Variants in SHC3 observed in about 807,000 individuals in gnomAD.
SHC3 encodes SHC adaptor protein 3.
Under a neutral mutation model 60.4 loss-of-function variants are expected in SHC3, and 15 were observed. The observed-to-expected ratio is 0.25, with a 90% CI of 0.17 to 0.38. The LOEUF (loss-of-function observed/expected upper bound fraction) is 0.38. Ranked by LOEUF, SHC3 falls within the 10% of genes least tolerant of loss-of-function variation. The pLI is 1.00. For missense variants in SHC3, 677 were observed against 786.1 expected, an observed-to-expected ratio of 0.86 and a Z score of 1.66; for synonymous variants, 294 against 325.9, an observed-to-expected ratio of 0.90 and a Z score of 1.05.
At chr9:89,124,596 C>T (rs1218475047) in intron 1 of SHC3, among the ~76,000 whole-genome samples, 2 of 152,042 alleles carry the variant, frequency 1.3e-5, no homozygotes, top group Non-Finnish European at 2.9e-5. Context: ...AACAGAAAAC[C>T]AAACACTGCA....
intron 1 of SHC3, among the ~76,000 whole-genome samples, chr9:89,132,268 A>G (rs1388114932): frequency 6.6e-6 from 1 of 152,196 alleles, no homozygotes; most frequent in African/African-American, 2.4e-5. Context: ...GAGGACACAA[A>G]CAAATGGAAG....
intron 2 of SHC3, among the ~76,000 whole-genome samples, chr9:89,096,728 C>G (rs11137510): frequency 2.0e-5 from 3 of 152,148 alleles, no homozygotes. Context: ...TTGGCAAAGT[C>G]TGAAGGTTGT....
intron 6 of SHC3, among the ~76,000 whole-genome samples, chr9:89,052,900 A>G (rs1824884060): frequency 6.6e-6 from 1 of 152,206 alleles, no homozygotes; most frequent in Non-Finnish European, 1.5e-5. Flanking sequence ...AGCAGTCCTT[A>G]TGCTTGAAGC....
Position 89,047,071 on chromosome 9 carries a change from C to T in SHC3, c.963-77G>A, listed in dbSNP as rs1377742226. On this transcript the variant is annotated intron_variant, in intron 7 of 11. Transcript: ENST00000375835. ...AAAATCAACAAATCTAATGTTAGCG[C>T]CTGTTATTAAGAAAAGAGAGTTTAG... 4 of 1,423,608 alleles carry T rather than the reference C, an allele frequency of 2.8e-6. No individual in the cohort carries two copies. In the African/African-American group the frequency reaches 4.3e-5, roughly 15 times the overall value. 88.2% of individuals were successfully genotyped at this position (1,423,608 alleles called of 1,614,324 possible). A position where few individuals can be genotyped will look rare whatever the true frequency, so the allele number is the denominator to read the frequency against.
chr9:89,024,593 G>A (rs938842480), intron 11 of SHC3, among the ~76,000 whole-genome samples: 14 of 152,232 alleles, frequency 9.2e-5, no homozygotes, highest in Non-Finnish European at 2.9e-5. Context: ...TGGCTATCGC[G>A]AGTCCTGCTT....
At chr9:89,101,096 G>A (rs1825776394) in intron 2 of SHC3, among the ~76,000 whole-genome samples, 1 of 152,104 alleles carries the variant, frequency 6.6e-6, no homozygotes, top group South Asian at 2.1e-4. Context: ...TCTCATCAAT[G>A]TTCAATAGTT....
intron 1 of SHC3, among the ~76,000 whole-genome samples, chr9:89,121,448 G>A (rs943351804): frequency 6.6e-5 from 10 of 152,210 alleles, no homozygotes; most frequent in Admixed American, 4.6e-4. Context: ...GCACCACCAC[G>A]CTCGGCTAAT....
At chr9:89,060,317 C>A (rs899779958) in intron 6 of SHC3, among the ~76,000 whole-genome samples, 1 of 141,488 alleles carries the variant, frequency 7.1e-6, no homozygotes, top group South Asian at 2.3e-4. Flanking sequence ...TGGTAGAGGA[C>A]GTGGTGTAGG....
intron 6 of SHC3, among the ~76,000 whole-genome samples, chr9:89,052,971 G>A (rs998820418): frequency 3.3e-5 from 5 of 152,164 alleles, no homozygotes; most frequent in Non-Finnish European, 7.4e-5. Flanking sequence ...GATTATCTAT[G>A]TGAAACCTTC....
intron 2 of SHC3, among the ~76,000 whole-genome samples, chr9:89,081,418 A>G (rs79784793): frequency 2.6e-5 from 4 of 152,198 alleles, no homozygotes; most frequent in Admixed American, 6.5e-5. Context: ...AGTCCTTTGC[A>G]GGGAAGAAGG....
In SHC3 at chr9:89,132,594, G is replaced by C. The variant is rs546978313; in HGVS notation, c.475-19968C>G. Among the ~76,000 whole-genome samples the C allele has an allele frequency of 5.0e-3, 768 of 152,246 alleles. 1 individual carries two copies. Among genetic ancestry groups the C allele is most frequent in the Admixed American group, 7.5e-3 (114 of 15,296 alleles). Reference sequence around the variant, plus strand: ...CCAATGGAACAGAACAGAGCTCTCAGAAATAATACCACACATCTACAACCA... The same window carrying C: ...CCAATGGAACAGAACAGAGCTCTCACAAATAATACCACACATCTACAACCA... On this transcript the variant is annotated intron_variant, in intron 1 of 11. Coordinates refer to ENST00000375835, the MANE Select transcript of SHC3 (RefSeq NM_016848.6).
At chr9:89,110,995 C>T (rs1256129721) in intron 2 of SHC3, among the ~76,000 whole-genome samples, 2 of 152,232 alleles carry the variant, frequency 1.3e-5, no homozygotes, top group African/African-American at 2.4e-5. Context: ...TTCCCCCACC[C>T]CACCACTACC....
intron 3 of SHC3, 117 bp downstream of exon 3, chr9:89,077,723 C>T (rs1156723047): frequency 8.0e-7 from 1 of 1,247,980 alleles, no homozygotes; most frequent in Admixed American, 1.8e-5. Context: ...TTAGAAGTAG[C>T]AAGCGCCGGG....
chr9:89,006,820 A>C lies in SHC3; in HGVS notation c.*6627T>G, dbSNP rs1160343202. ...TGCAACCAACACATAGCTGTTAACA[A>C]AATTAACCCCATTAATATTTAAAGA... On this transcript the variant is annotated 3_prime_UTR_variant, in exon 12 of 12. Coordinates refer to ENST00000375835, the MANE Select transcript of SHC3 (RefSeq NM_016848.6). The C allele has an allele frequency of 1.3e-5, 2 of 152,242 alleles. No individual in the cohort carries two copies. The highest frequency in any genetic ancestry group is 2.9e-5 in the Non-Finnish European group (2 of 68,046). 9.4% of individuals were successfully genotyped at this position (152,242 alleles called of 1,614,324 possible).
chr9:89,157,903 G>A (rs1564187305), intron 1 of SHC3, among the ~76,000 whole-genome samples: 1 of 152,052 alleles, frequency 6.6e-6, no homozygotes, highest in Non-Finnish European at 1.5e-5. Flanking sequence ...GATATGTATA[G>A]GTGTGAGCCA....
chr9:89,168,743 TC>T (rs1267344589), intron 1 of SHC3, among the ~76,000 whole-genome samples: 1 of 152,180 alleles, frequency 6.6e-6, no homozygotes, highest in Non-Finnish European at 1.5e-5. Flanking sequence ...GAGAGTTTTT[TC>T]CTTTTTGATA....
intron 10 of SHC3, among the ~76,000 whole-genome samples, chr9:89,040,222 C>CCATCATCATCACTATCAA (rs1824661810): frequency 6.9e-6 from 1 of 144,610 alleles, no homozygotes; most frequent in Non-Finnish European, 1.5e-5. Context: ...ATCATCATCA[C>CCATCATCATCACTATCAA]CACCACCATC....
chr9:89,064,545 C>T (rs1293114870), intron 6 of SHC3, among the ~76,000 whole-genome samples: 1 of 152,082 alleles, frequency 6.6e-6, no homozygotes, highest in Non-Finnish European at 1.5e-5. Flanking sequence ...TTTGGCGGTA[C>T]CTTGGAATCA....
chr9:89,088,341 A>G (rs1234826462), intron 2 of SHC3, among the ~76,000 whole-genome samples: 1 of 152,180 alleles, frequency 6.6e-6, no homozygotes, highest in Non-Finnish European at 1.5e-5. Context: ...TGTACACCTT[A>G]CTTGTATTGA....
Sources: gnomAD v4.1 joint callset for allele counts (sites outside exome capture counted in the v4.1 genomes callset) on GRCh38, gnomAD v4.1.1 for gene constraint, MANE v1.5 for transcripts, NCBI Gene and HGNC (gene_info 2026-07-23, HGNC 2026-07-21) for gene names.